Variants in CD38 observed in about 807,000 individuals in gnomAD.
The protein encoded by CD38 is CD38 molecule, also known as ADP-ribosyl cyclase/cyclic ADP-ribose hydrolase 1.
A neutral mutation model predicts 36.3 loss-of-function variants in CD38; 31 were observed. That is an observed-to-expected ratio of 0.85 (90% CI 0.64 to 1.15). CD38 has a LOEUF of 1.15. Among genes scored for constraint, CD38 ranks in the 50% most tolerant of loss-of-function variants. The pLI is 0.00. For synonymous variants in CD38, 131 were observed against 135.2 expected (o/e 0.97, Z 0.22); for missense variants, 380 against 371.9 (o/e 1.02, Z -0.18).
chr4:15,800,114 C>T (rs1221014106), intron 1 of CD38, among the ~76,000 whole-genome samples: 2 of 152,142 alleles, frequency 1.3e-5, no homozygotes, highest in African/African-American at 4.8e-5. Context: ...GCAGTCCAAG[C>T]CTCTAATAAA....
Position 15,824,954 on chromosome 4 carries a change from A to T in CD38, c.437A>T (p.Glu146Val). 5.6e-6 allele frequency: 9 copies of T among 1,613,968 alleles called. No homozygotes were observed. Among genetic ancestry groups the T allele is most frequent in the Non-Finnish European group, 6.8e-6 (8 of 1,179,942 alleles). ...GTCCAGCGGGACATGTTCACCCTGG[A>T]GGACACGCTGCTAGGCTACCTTGCT... ...TQVQRDMFTL[E>V]DTLLGYLADD... is the part of the protein sequence containing the mutation. Residue 146 changes from glutamate (E) to valine (V), a missense_variant, in exon 3 of 8, where the codon GAG becomes GTG. Glu to Val is a moderately radical substitution (Grantham distance 121). Transcript: ENST00000226279.
At chr4:15,788,102 C>T (rs559630119) in intron 1 of CD38, among the ~76,000 whole-genome samples, 2 of 152,334 alleles carry the variant, frequency 1.3e-5, no homozygotes, top group South Asian at 4.1e-4. Flanking sequence ...GGTTCTCCCA[C>T]TACTCTGACT....
chr4:15,840,464 G>C lies in CD38; in HGVS notation c.765G>C (p.Gln255His), dbSNP rs749039911. 1 of 1,600,900 alleles carries C rather than the reference G, an allele frequency of 6.2e-7. No individual in the cohort carries two copies. The highest frequency in any genetic ancestry group is 1.1e-5 in the South Asian group (1 of 90,214). ...GGREDSRDLC[Q>H]DPTIKELESI... ...CTTTCTTCCCCAGAGACTTATGCCA[G>C]GATCCCACCATAAAAGAGCTGGAAT... The change falls in exon 7 of 8, where the codon CAG becomes CAC. Residue 255 changes from glutamine (Q) to histidine (H), a missense_variant. Coordinates refer to ENST00000226279, the MANE Select transcript of CD38 (RefSeq NM_001775.4).
At chr4:15,796,148 A>G (rs903437319) in intron 1 of CD38, among the ~76,000 whole-genome samples, 2 of 152,112 alleles carry the variant, frequency 1.3e-5, no homozygotes, top group Admixed American at 6.5e-5. Context: ...GACTGAAAAC[A>G]CCTTGCTGAA....
chr4:15,813,637 C>A (rs190085830), intron 1 of CD38, among the ~76,000 whole-genome samples: 143 of 152,158 alleles, frequency 9.4e-4, no homozygotes, highest in Non-Finnish European at 1.6e-3. Flanking sequence ...TGTGTTGTTC[C>A]CCTCCCTGTG....
intron 1 of CD38, among the ~76,000 whole-genome samples, chr4:15,799,646 G>T (rs1473067320): frequency 6.6e-6 from 1 of 152,036 alleles, no homozygotes; most frequent in Non-Finnish European, 1.5e-5. Flanking sequence ...ATAGACATTT[G>T]GCTTGTAGTC....
At chr4:15,796,709 C>A (rs535783258) in intron 1 of CD38, among the ~76,000 whole-genome samples, 2 of 152,062 alleles carry the variant, frequency 1.3e-5, no homozygotes, top group Non-Finnish European at 2.9e-5. Flanking sequence ...TAGAAATATT[C>A]TCTGCATATA....
At chr4:15,779,290 G>A (rs1722634620) in intron 1 of CD38, among the ~76,000 whole-genome samples, 1 of 152,136 alleles carries the variant, frequency 6.6e-6, no homozygotes, top group Non-Finnish European at 1.5e-5. Context: ...CTAAAACCGA[G>A]ACATTACTTA....
intron 7 of CD38, among the ~76,000 whole-genome samples, chr4:15,841,255 G>C (rs1220497927): frequency 1.3e-5 from 2 of 152,168 alleles, no homozygotes; most frequent in African/African-American, 4.8e-5. Context: ...TAATAGCTTG[G>C]AACAAGATTG....
At chr4:15,797,370 T>C (rs1028825719) in intron 1 of CD38, among the ~76,000 whole-genome samples, 4 of 152,240 alleles carry the variant, frequency 2.6e-5, no homozygotes, top group African/African-American at 9.6e-5. Flanking sequence ...TATTATCTAC[T>C]TGTTAATTAG....
intron 6 of CD38, 28 bp downstream of exon 6, chr4:15,840,146 G>A (rs755331095): frequency 6.8e-7 from 1 of 1,463,426 alleles, no homozygotes; most frequent in Non-Finnish European, 9.6e-7. Context: ...GTACCCAAGT[G>A]TTATTTTATG....
chr4:15,833,491 A>G (rs1456050803), intron 3 of CD38, among the ~76,000 whole-genome samples: 1 of 152,218 alleles, frequency 6.6e-6, no homozygotes, highest in Non-Finnish European at 1.5e-5. Context: ...ATAATTATTT[A>G]TATCTACACA....
Position 15,838,147 on chromosome 4 carries a change from A to G in CD38, c.641A>G (p.Lys214Arg), listed in dbSNP as rs1724111077. ...VHVMLNGSRS[K>R]IFDKNSTFGS... ...GTGATGCTCAATGGATCCCGCAGTA[A>G]AATCTTTGACAAAAACAGGTACACA... Residue 214 changes from lysine (K) to arginine (R), a missense_variant, in exon 5 of 8, where the codon AAA becomes AGA. Transcript: ENST00000226279. The G allele has an allele frequency of 6.2e-7, 1 of 1,613,464 alleles. No individual in the cohort carries two copies. Among genetic ancestry groups the G allele is most frequent in the African/African-American group, 1.3e-5 (1 of 74,866 alleles).
At chr4:15,795,429 G>T (rs1273672200) in intron 1 of CD38, among the ~76,000 whole-genome samples, 1 of 152,042 alleles carries the variant, frequency 6.6e-6, no homozygotes, top group Non-Finnish European at 1.5e-5. Flanking sequence ...AATTTAAAGA[G>T]TAAATGTAGC....
intron 1 of CD38, among the ~76,000 whole-genome samples, chr4:15,806,861 C>A (rs2148919874): frequency 6.6e-6 from 1 of 152,302 alleles, no homozygotes; most frequent in South Asian, 2.1e-4. Flanking sequence ...CGAGGCTTCT[C>A]CAGCCTTCTA....
At chr4:15,786,881 C>CG (rs1408130768) in intron 1 of CD38, among the ~76,000 whole-genome samples, 2 of 152,230 alleles carry the variant, frequency 1.3e-5, no homozygotes, top group African/African-American at 4.8e-5. Context: ...CCCTGCCCCG[C>CG]GGGGAGGCAG....
chr4:15,787,505 G>A (rs908158296), intron 1 of CD38, among the ~76,000 whole-genome samples: 1 of 152,204 alleles, frequency 6.6e-6, no homozygotes, highest in African/African-American at 2.4e-5. Flanking sequence ...CAGGGTGTCT[G>A]CTCATTTTTC....
rs73114485 is a variant in CD38, at chr4:15,824,700, A to T, written c.364-181A>T. ...ACCTAGAACACACACACACACACAC[A>T]CTCTCTCTCCGCCACTCTCCTGCAC... On this transcript the variant is annotated intron_variant, in intron 2 of 7. Transcript: ENST00000226279. Among the ~76,000 whole-genome samples, 90 of 134,468 alleles carry T rather than the reference A, an allele frequency of 6.7e-4. 1 individual carries two copies. Among genetic ancestry groups the T allele is most frequent in the Admixed American group, 1.5e-3 (21 of 13,720 alleles). The allele number at this position is 134,468 out of a possible 152,430, so 88.2% of individuals were successfully genotyped here. A position where few individuals can be genotyped will look rare whatever the true frequency, so the allele number is the denominator to read the frequency against.
chr4:15,788,818 T>C (rs983534599), intron 1 of CD38, among the ~76,000 whole-genome samples: 1 of 152,168 alleles, frequency 6.6e-6, no homozygotes, highest in Non-Finnish European at 1.5e-5. Context: ...ATCAGCAAAA[T>C]GACAAACTTA....
Sources: allele counts gnomAD v4.1 joint callset (sites outside exome capture counted in the v4.1 genomes callset), GRCh38; gene constraint gnomAD v4.1.1; transcripts MANE v1.5; gene names NCBI Gene and HGNC (gene_info 2026-07-23, HGNC 2026-07-21).